Variants in SEMA3B observed in about 807,000 individuals in gnomAD.
SEMA3B encodes semaphorin 3B.
SEMA3B carries 71 observed loss-of-function variants against 77.8 expected under a neutral mutation model. The observed-to-expected ratio is 0.91, with a 90% CI of 0.75 to 1.11. The LOEUF is 1.11. SEMA3B is among the 50% of genes most tolerant of loss of function. The pLI is 0.00. For missense variants in SEMA3B, 968 were observed against 1,056.8 expected, an observed-to-expected ratio of 0.92 and a Z score of 1.17; for synonymous variants, 470 against 452.9, an observed-to-expected ratio of 1.04 and a Z score of -0.48.
intron 6 of SEMA3B, 85 bp downstream of exon 6, chr3:50,271,565 A>C (rs1701055338): frequency 1.3e-6 from 2 of 1,532,894 alleles, no homozygotes; most frequent in Admixed American, 4.0e-5. Flanking sequence ...GTAAGTGAGC[A>C]GTGGGTGTGG....
chr3:50,275,850 C>G lies in SEMA3B; in HGVS notation c.1845+6C>G. On this transcript the variant is annotated splice_donor_region_variant and intron_variant, in intron 16 of 16. Coordinates refer to ENST00000616701, the MANE Select transcript of SEMA3B (RefSeq NM_001290060.2). The surrounding 1 kb of genome is among the most constrained non-coding windows in gnomAD (Gnocchi z 7.5). ...GGGTGACAGCCCACACCCAGGTGAG[C>G]CTTACTCCGCCCTCCCCGCCAGGCT... 1.3e-6 allele frequency: 2 copies of G among 1,579,910 alleles called. No individual in the cohort carries two copies. The highest frequency in any genetic ancestry group is 1.7e-6 in the Non-Finnish European group (2 of 1,166,264).
chr3:50,276,857 C>G lies in SEMA3B; in HGVS notation c.*151C>G. ...ACCGACAGGCCCTGGCTGAGGGCAG[C>G]TGCGCGGGCTTATTTATTAACAGGA... On this transcript the variant is annotated 3_prime_UTR_variant, in exon 17 of 17. Coordinates refer to ENST00000616701, the MANE Select transcript of SEMA3B (RefSeq NM_001290060.2). The surrounding 1 kb of genome is among the most constrained non-coding windows in gnomAD (Gnocchi z 5.8). 1 of 904,908 alleles carries G rather than the reference C, an allele frequency of 1.1e-6. No individual in the cohort carries two copies. The highest frequency in any genetic ancestry group is 1.6e-6 in the Non-Finnish European group (1 of 642,594). The allele number at this position is 904,908 out of a possible 1,614,324, so 56.1% of individuals were successfully genotyped here.
In SEMA3B at chr3:50,274,150, T is replaced by C; in HGVS notation, c.1137+93T>C. The C allele has an allele frequency of 6.5e-7, 1 of 1,548,336 alleles. No homozygotes were observed. The highest frequency in any genetic ancestry group is 2.3e-5 in the East Asian group (1 of 43,948). On this transcript the variant is annotated intron_variant, in intron 10 of 16. Transcript: ENST00000616701. The surrounding 1 kb of genome is among the most constrained non-coding windows in gnomAD (Gnocchi z 4.7). ...GGTCTTCTTGGTGAATGTGGTTTCT[T>C]CCTTTAGTTATGGGTGGGAAAACGT... is the stretch of plus-strand genomic sequence containing the variant.
At chr3:50,271,225 C>T (rs782432171) in intron 5 of SEMA3B, 44 bp downstream of exon 5, 1 of 1,549,928 alleles carries the variant, frequency 6.5e-7, no homozygotes, top group South Asian at 1.2e-5. Flanking sequence ...CTTAGAAACT[C>T]TAGAACCTCA....
Position 50,273,717 on chromosome 3 carries a change from C to T in SEMA3B, c.923-42C>T, listed in dbSNP as rs782289510. On this transcript the variant is annotated intron_variant, in intron 8 of 16. Coordinates refer to ENST00000616701, the MANE Select transcript of SEMA3B (RefSeq NM_001290060.2). The surrounding 1 kb of genome is among the most constrained non-coding windows in gnomAD (Gnocchi z 6.5). ...CAGACTCCGGGAGCCCCCGCCGCAG[C>T]GGGGCTGTGCGCCCTACCCCAGCTA... 8 of 1,603,654 alleles carry T rather than the reference C, an allele frequency of 5.0e-6. No homozygotes were observed. Among genetic ancestry groups the T allele is most frequent in the Non-Finnish European group, 6.8e-6 (8 of 1,178,500 alleles).
At chr3:50,266,635 AG>A (rs1700903886), upstream of SEMA3B, 1 of 152,278 alleles carries the variant, frequency 6.6e-6, no homozygotes, top group African/African-American at 2.4e-5. Flanking sequence ...GAAGGATCAA[AG>A]CCCATTCTCA....
the SEMA3B span, chr3:50,261,810 C>T: frequency 2.0e-5 from 3 of 152,342 alleles, no homozygotes; most frequent in Admixed American, 1.3e-4. Flanking sequence ...GAGTGGCAAA[C>T]CAGTTGAGTA....
In SEMA3B at chr3:50,275,699, C is replaced by T. The variant is rs782450651; in HGVS notation, c.1706-6C>T. ...TGCCTAAATCTGACTTTCTTCTCGC[C>T]CCAAGACTCGTCTCGTCCCGCGCTG... On this transcript the variant is annotated splice_region_variant and splice_polypyrimidine_tract_variant and intron_variant, in intron 15 of 16. Transcript: ENST00000616701. The surrounding 1 kb of genome is among the most constrained non-coding windows in gnomAD (Gnocchi z 7.5). 7 of 1,612,570 alleles carry T rather than the reference C, an allele frequency of 4.3e-6. No homozygotes were observed. Among genetic ancestry groups the T allele is most frequent in the African/African-American group, 1.3e-5 (1 of 75,034 alleles).
chr3:50,275,614 A>C lies in SEMA3B; in HGVS notation c.1704A>C (p.Gly568=), dbSNP rs368328009. 27 of 1,613,688 alleles carry C rather than the reference A, an allele frequency of 1.7e-5. No homozygotes were observed. The highest frequency in any genetic ancestry group is 2.2e-5 in the East Asian group (1 of 44,880). ...RNGDPSTLCS[G]DSSRPALLEH... ...GCGACCCCAGCACGTTGTGCTCCGG[A>C]GGTGAGTGCCCCAGCTGCCCCTACC... is the stretch of plus-strand genomic sequence containing the variant. Residue 568 remains glycine, a splice_region_variant and synonymous_variant, in exon 15 of 17, where the codon GGA becomes GGC. Transcript: ENST00000616701. This position sits in a 1 kb window ranked among gnomAD's most constrained non-coding sequence, Gnocchi z 7.5.
At position 50,276,973 on chromosome 3, in the gene SEMA3B, G is replaced by A; in HGVS notation, c.*267G>A. 3 of 434,428 alleles carry A rather than the reference G, an allele frequency of 6.9e-6. No individual in the cohort carries two copies. Among genetic ancestry groups the A allele is most frequent in the Non-Finnish European group, 1.2e-5 (3 of 248,546 alleles). The allele number at this position is 434,428 out of a possible 1,614,324, so 26.9% of individuals were successfully genotyped here. ...AGGGACGGGGAAGCCGAGCTCCAGAGCAACGACCAGGGCCGAGGAGGTGCC... is the reference window on the plus strand; with the variant it reads ...AGGGACGGGGAAGCCGAGCTCCAGAACAACGACCAGGGCCGAGGAGGTGCC... On this transcript the variant is annotated 3_prime_UTR_variant, in exon 17 of 17. Transcript: ENST00000616701. This position sits in a 1 kb window ranked among gnomAD's most constrained non-coding sequence, Gnocchi z 5.8.
Position 50,274,417 on chromosome 3 carries a change from G to T in SEMA3B, c.1192G>T (p.Val398Phe). The change falls in exon 11 of 17, where the codon GTC (valine) becomes TTC (phenylalanine). Residue 398 changes from valine (V) to phenylalanine (F), a missense_variant. By Grantham distance (50) the Val-to-Phe change is conservative (BLOSUM62 -1). Coordinates refer to ENST00000616701, the MANE Select transcript of SEMA3B (RefSeq NM_001290060.2). This position sits in a 1 kb window ranked among gnomAD's most constrained non-coding sequence, Gnocchi z 4.7. Reference protein sequence around the residue: ...FSSTKDFPDDVIQFARNHPLM... With the variant: ...FSSTKDFPDDFIQFARNHPLM... ...TTCCACCAAGGACTTCCCAGACGAT[G>T]TCATCCAGTTTGCGCGGAACCACCC... 6.6e-7 allele frequency: 1 copy of T among 1,509,086 alleles called. No homozygotes were observed. Among genetic ancestry groups the T allele is most frequent in the Non-Finnish European group, 8.9e-7 (1 of 1,129,560 alleles). The allele number at this position is 1,509,086 out of a possible 1,614,324, so 93.5% of individuals were successfully genotyped here.
chr3:50,272,513 C>G (rs1575469640), intron 6 of SEMA3B, among the ~76,000 whole-genome samples: 1 of 152,096 alleles, frequency 6.6e-6, no homozygotes, highest in South Asian at 2.1e-4. Context: ...GCATTTGAGA[C>G]CAGCCTGGCC....
At position 50,270,400 on chromosome 3, in the gene SEMA3B, A is replaced by G. The variant is rs1553705144; in HGVS notation, c.268-33A>G. Reference sequence around the variant, plus strand: ...AGGTAGAGAATATCCCAAGTTCCTGACCTGTGTCCCCTCTCCCCCAACCTC... The same window carrying G: ...AGGTAGAGAATATCCCAAGTTCCTGGCCTGTGTCCCCTCTCCCCCAACCTC... On this transcript the variant is annotated intron_variant, in intron 2 of 16. Coordinates refer to ENST00000616701, the MANE Select transcript of SEMA3B (RefSeq NM_001290060.2). The surrounding 1 kb of genome is among the most constrained non-coding windows in gnomAD (Gnocchi z 4.7). 1 of 1,613,504 alleles carries G rather than the reference A, an allele frequency of 6.2e-7. No individual in the cohort carries two copies. Among genetic ancestry groups the G allele is most frequent in the African/African-American group, 1.3e-5 (1 of 74,996 alleles).
rs1553705006 is a variant in SEMA3B, at chr3:50,269,413, C to T, written c.109+64C>T. ...TGGGCAGGAAAGGGTCCCCGTATGG[C>T]CAGGGGGCTCTGTGTTGGCTGTTGC... On this transcript the variant is annotated intron_variant, in intron 1 of 16. Coordinates refer to ENST00000616701, the MANE Select transcript of SEMA3B (RefSeq NM_001290060.2). The surrounding 1 kb of genome is among the most constrained non-coding windows in gnomAD (Gnocchi z 4.0). The T allele has an allele frequency of 1.4e-5, 14 of 977,612 alleles. No individual in the cohort carries two copies. The allele number at this position is 977,612 out of a possible 1,614,324, so 60.6% of individuals were successfully genotyped here. A position where few individuals can be genotyped will look rare whatever the true frequency, so the allele number is the denominator to read the frequency against.
chr3:50,270,139 G>A lies in SEMA3B; in HGVS notation c.122G>A (p.Trp41Ter). 1 of 1,556,056 alleles carries A rather than the reference G, an allele frequency of 6.4e-7. No individual in the cohort carries two copies. Among genetic ancestry groups the A allele is most frequent in the Non-Finnish European group, 8.7e-7 (1 of 1,151,516 alleles). The change falls in exon 2 of 17, where the codon TGG (tryptophan) becomes TAG (stop). Residue 41 changes from tryptophan to a stop codon, truncating the protein, a stop_gained. Coordinates refer to ENST00000616701, the MANE Select transcript of SEMA3B (RefSeq NM_001290060.2). LOFTEE classifies it high-confidence loss of function. The surrounding 1 kb of genome is among the most constrained non-coding windows in gnomAD (Gnocchi z 4.7). The stretch of plus-strand genomic sequence containing the variant: ...TCCTGCCCTGCAGAGCTCCAGGCCT[G>A]GCATGGTCTCCAGACTTTCAGCCTG... ...LRLSFQELQA[W>*]HGLQTFSLER...
rs1465284017 is a variant in SEMA3B, at chr3:50,270,653, G to T, written c.330+158G>T. The T allele has an allele frequency of 1.4e-5, 16 of 1,152,426 alleles. No individual in the cohort carries two copies. The highest frequency in any genetic ancestry group is 1.8e-5 in the Non-Finnish European group (15 of 823,730). The allele number at this position is 1,152,426 out of a possible 1,614,324, so 71.4% of individuals were successfully genotyped here. On this transcript the variant is annotated intron_variant, in intron 3 of 16. Coordinates refer to ENST00000616701, the MANE Select transcript of SEMA3B (RefSeq NM_001290060.2). This position sits in a 1 kb window ranked among gnomAD's most constrained non-coding sequence, Gnocchi z 4.7. ...GGGTGGTGAGTCAGGGTGGGGGCTC[G>T]TGTAATTCTTCTGGGGTGCCTCTGA...
At chr3:50,268,684 G>A (rs1266808842), upstream of SEMA3B, among the ~76,000 whole-genome samples, 1 of 152,206 alleles carries the variant, frequency 6.6e-6, no homozygotes, top group East Asian at 1.9e-4. Flanking sequence ...GCGGGACTGT[G>A]GGGACACTGC....
chr3:50,268,532 C>G (rs1700959531), upstream of SEMA3B, among the ~76,000 whole-genome samples: 1 of 152,250 alleles, frequency 6.6e-6, no homozygotes, highest in Non-Finnish European at 1.5e-5. Flanking sequence ...CAATATGACA[C>G]ACTATATATT....
rs1553706830 is a variant in SEMA3B at position 50,276,532 on chromosome 3, T to G, written c.2076T>G (p.Phe692Leu). The G allele has an allele frequency of 1.3e-6, 2 of 1,535,000 alleles. No individual in the cohort carries two copies. The highest frequency in any genetic ancestry group is 1.4e-5 in the African/African-American group (1 of 72,642). ...GCCCCAAACTCTGGTACCGGGACTT[T>G]CTGCAGCTGGTGGAGCCGGGCGGAG... ...PPGPKLWYRD[F>L]LQLVEPGGGG... The change falls in exon 17 of 17, where the codon TTT (phenylalanine) becomes TTG (leucine). Residue 692 changes from phenylalanine to leucine, a missense_variant. Transcript: ENST00000616701. The surrounding 1 kb of genome is among the most constrained non-coding windows in gnomAD (Gnocchi z 5.8).
Sources: gnomAD v4.1 joint callset for allele counts (sites outside exome capture counted in the v4.1 genomes callset) on GRCh38, gnomAD v4.1.1 for gene constraint, Gnocchi (gnomAD v3.1) non-coding constraint, MANE v1.5 for transcripts, NCBI Gene and HGNC (gene_info 2026-07-23, HGNC 2026-07-21) for gene names.